SVOP: variants seen among roughly 807,000 people sequenced by gnomAD.
The protein encoded by SVOP is synaptic vesicle 2-related protein.
In SVOP, 17 loss-of-function variants were observed where a neutral mutation model predicts 69.1. That is an observed-to-expected ratio of 0.25 (90% CI 0.17 to 0.37). The LOEUF (loss-of-function observed/expected upper bound fraction) is 0.37. SVOP is among the 10% of genes least tolerant of loss of function. SVOP has a pLI of 1.00. For synonymous variants in SVOP, 238 were observed against 238.6 expected, an observed-to-expected ratio of 1.00 and a Z score of 0.02; for missense variants, 435 against 597.5, an observed-to-expected ratio of 0.73 and a Z score of 2.84.
At chr12:108,923,631 C>T (rs2039763533) in intron 11 of SVOP, among the ~76,000 whole-genome samples, 1 of 151,984 alleles carries the variant, frequency 6.6e-6, no homozygotes, top group Non-Finnish European at 1.5e-5. Flanking sequence ...TGTGCTGTCT[C>T]AGGCCACTAA....
At chr12:108,932,239 A>G (rs913064055) in intron 11 of SVOP, among the ~76,000 whole-genome samples, 2 of 150,762 alleles carry the variant, frequency 1.3e-5, no homozygotes, top group African/African-American at 2.4e-5. Context: ...CTGTTCTTGA[A>G]CTCCTGGCCT....
At chr12:108,946,086 T>C (rs1874247863) in intron 6 of SVOP, among the ~76,000 whole-genome samples, 1 of 152,120 alleles carries the variant, frequency 6.6e-6, no homozygotes, top group South Asian at 2.1e-4. Context: ...TGGTAACAAA[T>C]GGTTGTTTTT....
At chr12:108,919,604 G>A (rs2039736304) in intron 13 of SVOP, 71 bp downstream of exon 13, 2 of 1,249,756 alleles carry the variant, frequency 1.6e-6, no homozygotes, top group Non-Finnish European at 2.3e-6. Context: ...ATCTACCTGG[G>A]CCTGCACCCA....
At chr12:108,972,958 T>C (rs1448300784) in intron 4 of SVOP, among the ~76,000 whole-genome samples, 3 of 152,204 alleles carry the variant, frequency 2.0e-5, no homozygotes, top group Admixed American at 6.5e-5. Context: ...ATTGTTACAT[T>C]GTTAATCCTT....
intron 2 of SVOP, among the ~76,000 whole-genome samples, chr12:108,979,087 G>T (rs1442104456): frequency 3.4e-5 from 2 of 57,986 alleles, no homozygotes; most frequent in African/African-American, 5.0e-5. Context: ...ACGCATGTGG[G>T]TGTACATGTA....
chr12:108,977,281 A>T (rs891255045), intron 4 of SVOP, 117 bp downstream of exon 4: 1 of 1,279,506 alleles, frequency 7.8e-7, no homozygotes, highest in Non-Finnish European at 1.1e-6. Context: ...CAGTGTTTCC[A>T]TCAGGGCTTA....
At chr12:108,920,604 T>C (rs1026360136) in intron 12 of SVOP, among the ~76,000 whole-genome samples, 4 of 150,606 alleles carry the variant, frequency 2.7e-5, no homozygotes, top group African/African-American at 9.8e-5. Context: ...CTTTTTTTTT[T>C]TTTTTTTTTG....
intron 1 of SVOP, among the ~76,000 whole-genome samples, chr12:109,019,831 G>A (rs1392677209): frequency 6.6e-6 from 1 of 152,074 alleles, no homozygotes; most frequent in Non-Finnish European, 1.5e-5. Context: ...AACTGTATCA[G>A]TCACACTAAA....
chr12:109,005,991 A>C (rs1051845008), intron 1 of SVOP, among the ~76,000 whole-genome samples: 6 of 152,172 alleles, frequency 3.9e-5, no homozygotes, highest in African/African-American at 1.4e-4. Context: ...AGTTTTGAGA[A>C]GGTCACTCAG....
chr12:108,918,429 G>A (rs2039727637), intron 13 of SVOP, among the ~76,000 whole-genome samples: 2 of 152,194 alleles, frequency 1.3e-5, no homozygotes, highest in African/African-American at 2.4e-5. Flanking sequence ...TTTGGCTGAG[G>A]GTGGAGCAGG....
intron 7 of SVOP, among the ~76,000 whole-genome samples, chr12:108,944,197 A>C (rs1245492937): frequency 1.3e-5 from 2 of 149,670 alleles, no homozygotes; most frequent in Non-Finnish European, 3.0e-5. Context: ...TTTTTTTAAT[A>C]GATGGGGTCT....
At chr12:108,970,628 T>C (rs1054114478) in intron 5 of SVOP, among the ~76,000 whole-genome samples, 1 of 152,184 alleles carries the variant, frequency 6.6e-6, no homozygotes, top group Non-Finnish European at 1.5e-5. Flanking sequence ...TTTCAAAGTA[T>C]GGTCCCAAGC....
At chr12:108,930,889 G>C (rs1465966544) in intron 11 of SVOP, among the ~76,000 whole-genome samples, 1 of 152,188 alleles carries the variant, frequency 6.6e-6, no homozygotes, top group Admixed American at 6.5e-5. Flanking sequence ...CTTTAGGCTG[G>C]ACTTAATTTA....
chr12:108,930,356 G>A (rs2039809135), intron 11 of SVOP, among the ~76,000 whole-genome samples: 1 of 152,058 alleles, frequency 6.6e-6, no homozygotes, highest in Non-Finnish European at 1.5e-5. Context: ...AACAGAAGAC[G>A]GAAGTGAGAT....
At chr12:108,990,085 C>T (rs1375010123) in intron 1 of SVOP, among the ~76,000 whole-genome samples, 3 of 152,160 alleles carry the variant, frequency 2.0e-5, no homozygotes, top group Non-Finnish European at 4.4e-5. Flanking sequence ...TTGGTAATAG[C>T]GCCTTCAGTC....
chr12:108,960,414 C>T (rs187723041), intron 6 of SVOP, among the ~76,000 whole-genome samples: 1 of 152,290 alleles, frequency 6.6e-6, no homozygotes, highest in East Asian at 1.9e-4. Context: ...TAAACTACAA[C>T]AGCAACAGCA....
chr12:108,952,230 C>CTTTTTTTTTTTTTT (rs36191772), intron 6 of SVOP, among the ~76,000 whole-genome samples: 1 of 98,360 alleles, frequency 1.0e-5, no homozygotes, highest in Non-Finnish European at 2.0e-5. Context: ...TTTCTTTTCT[C>CTTTTTTTTTTTTTT]TTTTTTTTTT....
chr12:108,913,073 G>T lies in SVOP; in HGVS notation c.1441-332C>A, dbSNP rs552613399. ...TCAAGTATTCTTTTTTTTGTTTTTTGTTTTTTTTGTTTTTTTGAGATGAGT... is the reference window on the plus strand; with the variant it reads ...TCAAGTATTCTTTTTTTTGTTTTTTTTTTTTTTTGTTTTTTTGAGATGAGT... On this transcript the variant is annotated intron_variant, in intron 15 of 15. Coordinates refer to ENST00000610966, the MANE Select transcript of SVOP (RefSeq NM_018711.5). Among the ~76,000 whole-genome samples, 113 of 151,096 alleles carry T rather than the reference G, an allele frequency of 7.5e-4. 1 individual carries two copies. The highest frequency in any genetic ancestry group is 3.8e-3 in the South Asian group (18 of 4,772).
chr12:108,940,170 T>A (rs933911444), intron 8 of SVOP, among the ~76,000 whole-genome samples: 33 of 152,224 alleles, frequency 2.2e-4, no homozygotes, highest in African/African-American at 6.0e-4. Flanking sequence ...GCCACACAGT[T>A]AAGCTTAATA....
Sources: gnomAD v4.1 joint callset for allele counts (sites outside exome capture counted in the v4.1 genomes callset) on GRCh38, gnomAD v4.1.1 for gene constraint, MANE v1.5 for transcripts, NCBI Gene and HGNC (gene_info 2026-07-23, HGNC 2026-07-21) for gene names.